The following MAP1B variants were observed in gnomAD, a reference collection of about 807,000 sequenced individuals.
MAP1B encodes microtubule associated protein 1B, also known as microtubule-associated protein 1B.
In MAP1B, 12 loss-of-function variants were observed where a neutral mutation model predicts 176.1. That is an observed-to-expected ratio of 0.07 (90% CI 0.04 to 0.11). The LOEUF (loss-of-function observed/expected upper bound fraction) is 0.11. MAP1B is among the 10% of genes least tolerant of loss of function. The pLI, the probability that MAP1B is intolerant of heterozygous loss-of-function variation, is 1.00. For synonymous variants in MAP1B, 1,044 were observed against 1,135.0 expected, an observed-to-expected ratio of 0.92 and a Z score of 1.61; for missense variants, 2,523 against 2,990.5, an observed-to-expected ratio of 0.84 and a Z score of 3.65.
At chr5:72,133,363 T>C (rs1745771321) in intron 2 of MAP1B, among the ~76,000 whole-genome samples, 2 of 152,242 alleles carry the variant, frequency 1.3e-5, no homozygotes, top group South Asian at 4.1e-4. Context: ...GGAGGCGGGA[T>C]GGAGAGCAGT....
chr5:72,123,057 A>G (rs1024529895), intron 2 of MAP1B, among the ~76,000 whole-genome samples: 1 of 152,184 alleles, frequency 6.6e-6, no homozygotes, highest in East Asian at 1.9e-4. Context: ...CAGTTTGTTC[A>G]GCACCTATGG....
At chr5:72,130,928 G>C (rs1053676440) in intron 2 of MAP1B, among the ~76,000 whole-genome samples, 1 of 152,176 alleles carries the variant, frequency 6.6e-6, no homozygotes, top group Non-Finnish European at 1.5e-5. Context: ...AAGATGTGTG[G>C]TTTTTCCAGA....
At chr5:72,174,620 C>CCA (rs979905535) in intron 2 of MAP1B, among the ~76,000 whole-genome samples, 5 of 152,164 alleles carry the variant, frequency 3.3e-5, no homozygotes, top group Non-Finnish European at 7.4e-5. Flanking sequence ...GGCTGCTGGA[C>CCA]CCCTTACATT....
intron 4 of MAP1B, among the ~76,000 whole-genome samples, chr5:72,192,454 A>C (rs1747044969): frequency 6.6e-6 from 1 of 152,272 alleles, no homozygotes; most frequent in Non-Finnish European, 1.5e-5. Flanking sequence ...GGCCCTTTAC[A>C]TAAAATGTTA....
At chr5:72,116,873 G>A (rs903858708) in intron 2 of MAP1B, among the ~76,000 whole-genome samples, 19 of 152,202 alleles carry the variant, frequency 1.2e-4, no homozygotes, top group African/African-American at 4.1e-4. Context: ...TCCATTAGTC[G>A]TGTATATACA....
At chr5:72,185,463 T>C (rs1238467373) in intron 3 of MAP1B, among the ~76,000 whole-genome samples, 2 of 152,080 alleles carry the variant, frequency 1.3e-5, no homozygotes, top group Non-Finnish European at 2.9e-5. Context: ...GGCATGGTGT[T>C]GCATGCCTGT....
At position 72,200,001 on chromosome 5, in the gene MAP1B, G is replaced by C. The variant is rs778753926; in HGVS notation, c.6646G>C (p.Asp2216His). The C allele has an allele frequency of 3.7e-6, 6 of 1,614,184 alleles. No individual in the cohort carries two copies. The highest frequency in any genetic ancestry group is 3.4e-6 in the Non-Finnish European group (4 of 1,180,044). The change falls in exon 5 of 7, where the codon GAT (aspartate) becomes CAT (histidine). Residue 2216 changes from aspartate to histidine, a missense_variant. Asp to His is a moderately conservative substitution (Grantham distance 81). Around this residue, in one of 4 missense-constraint regions of MAP1B, gnomAD observed 287 missense variants for 401.5 expected, o/e 0.71. Coordinates refer to ENST00000296755, the MANE Select transcript of MAP1B (RefSeq NM_005909.5). ...QDRSPSPRHP[D>H]VSMVDPEALA... ...CCGCAGCCCTTCGCCACGCCACCCT[G>C]ATGTGTCCATGGTGGACCCAGAGGC...
intron 1 of MAP1B, among the ~76,000 whole-genome samples, chr5:72,108,684 C>G (rs977070877): frequency 6.6e-6 from 1 of 151,852 alleles, no homozygotes; most frequent in East Asian, 1.9e-4. Context: ...GCCACACCTG[C>G]CCCCCCACAC....
chr5:72,200,395 A>G (rs375948877), intron 5 of MAP1B, 28 bp downstream of exon 5: 12 of 1,603,120 alleles, frequency 7.5e-6, no homozygotes, highest in East Asian at 2.2e-5. Context: ...GGCATTGGAT[A>G]TATGTCACAA....
At chr5:72,161,728 G>A (rs1016899001) in intron 2 of MAP1B, among the ~76,000 whole-genome samples, 3 of 152,002 alleles carry the variant, frequency 2.0e-5, no homozygotes, top group Admixed American at 6.6e-5. Context: ...AGGCTGAGGC[G>A]GGCAGATCAC....
At chr5:72,176,201 G>A (rs1357824139) in intron 2 of MAP1B, among the ~76,000 whole-genome samples, 10 of 151,868 alleles carry the variant, frequency 6.6e-5, no homozygotes, top group Admixed American at 4.6e-4. Context: ...CCACACACAC[G>A]TGTGTGCACG....
Position 72,197,080 on chromosome 5 carries a change from G to C in MAP1B, c.3725G>C (p.Ser1242Thr), listed in dbSNP as rs370336362. ...KASTTLDIKD[S>T]ISAVSSEKVS... ...AGCACCACTTTGGACATCAAAGATAGCATCTCAGCTGTTTCAAGTGAAAAG... is the reference window on the plus strand; with the variant it reads ...AGCACCACTTTGGACATCAAAGATACCATCTCAGCTGTTTCAAGTGAAAAG... Residue 1242 changes from serine (S) to threonine (T), a missense_variant, in exon 5 of 7, where the codon AGC (serine) becomes ACC (threonine). Coordinates refer to ENST00000296755, the MANE Select transcript of MAP1B (RefSeq NM_005909.5). 6.2e-7 allele frequency: 1 copy of C among 1,614,226 alleles called. No individual in the cohort carries two copies. Among genetic ancestry groups the C allele is most frequent in the Non-Finnish European group, 8.5e-7 (1 of 1,180,040 alleles).
intron 2 of MAP1B, among the ~76,000 whole-genome samples, chr5:72,131,582 T>C (rs1745733622): frequency 6.6e-6 from 1 of 152,242 alleles, no homozygotes; most frequent in African/African-American, 2.4e-5. Flanking sequence ...TGAATATTTA[T>C]TGGCCTCTTA....
At chr5:72,193,251 C>T (rs1421110719) in intron 4 of MAP1B, 4 of 349,078 alleles carry the variant, frequency 1.1e-5, no homozygotes, top group African/African-American at 5.3e-5. Flanking sequence ...AAAAACCCAC[C>T]AAGGTTTTTT....
rs762812492 is a variant in MAP1B, at chr5:72,107,618, G to A, written c.87G>A (p.Ser29=). The change falls in exon 1 of 7, where the codon TCG becomes TCA. Residue 29 remains serine, a synonymous_variant. Coordinates refer to ENST00000296755, the MANE Select transcript of MAP1B (RefSeq NM_005909.5). ...NPAASTSPSL[S]HRFLDSKFYL... is the part of the protein sequence containing the mutation. Reference sequence around the variant, plus strand: ...CGGCGTCCACCTCGCCTAGCCTGTCGCACCGCTTCCTTGACAGCAAGTTCT... The same window carrying A: ...CGGCGTCCACCTCGCCTAGCCTGTCACACCGCTTCCTTGACAGCAAGTTCT... 5 of 1,599,652 alleles carry A rather than the reference G, an allele frequency of 3.1e-6. No individual in the cohort carries two copies. The highest frequency in any genetic ancestry group is 4.2e-6 in the Non-Finnish European group (5 of 1,179,208).
rs373318137 is a variant in MAP1B, at chr5:72,199,980, A to G, written c.6625A>G (p.Ser2209Gly). ...ACCTCCAGCTCCCGTGCAAGACCGC[A>G]GCCCTTCGCCACGCCACCCTGATGT... ...DPPPAPVQDR[S>G]PSPRHPDVSM... The change falls in exon 5 of 7, where the codon AGC (serine) becomes GGC (glycine). Residue 2209 changes from serine to glycine, a missense_variant. Physicochemically the swap from Ser to Gly is moderately conservative, Grantham distance 56. This residue lies in a region of MAP1B where 287 missense variants were observed against 401.5 expected (regional missense o/e 0.71). Transcript: ENST00000296755. The surrounding 1 kb of genome is among the most constrained non-coding windows in gnomAD (Gnocchi z 4.2). 2 of 1,614,230 alleles carry G rather than the reference A, an allele frequency of 1.2e-6. No homozygotes were observed. The highest frequency in any genetic ancestry group is 1.7e-6 in the Non-Finnish European group (2 of 1,180,046).
At chr5:72,193,272 T>C in intron 4 of MAP1B, 1 of 427,242 alleles carries the variant, frequency 2.3e-6, no homozygotes, top group Non-Finnish European at 4.6e-6. Context: ...CTTTTTTACA[T>C]GCCAGATCCT....
rs2227915 is a variant in MAP1B, at chr5:72,193,868, C to T, written c.513C>T (p.Ile171=). 4.7e-3 allele frequency: 7,362 copies of T among 1,577,530 alleles called. 319 individuals carry two copies. In the African/African-American group the frequency reaches 0.088, roughly 19 times the overall value. The change falls in exon 5 of 7, where the codon ATC becomes ATT. Residue 171 remains isoleucine (I), a splice_region_variant and synonymous_variant. Coordinates refer to ENST00000296755, the MANE Select transcript of MAP1B (RefSeq NM_005909.5). ...NFIEIFTDQE[I]GELLSTTHPA... ...TTCTTTCTTTCTTTAAAACCCAGATCGGGGAGTTACTAAGCACCACCCATC... is the reference window on the plus strand; with the variant it reads ...TTCTTTCTTTCTTTAAAACCCAGATTGGGGAGTTACTAAGCACCACCCATC...
chr5:72,195,173 G>C lies in MAP1B; in HGVS notation c.1818G>C (p.Glu606Asp). The C allele has an allele frequency of 6.2e-7, 1 of 1,613,724 alleles. No individual in the cohort carries two copies. Among genetic ancestry groups the C allele is most frequent in the Non-Finnish European group, 8.5e-7 (1 of 1,179,980 alleles). The stretch of plus-strand genomic sequence containing the variant: ...CCAAACCTTCAGTGACTGAAAAGGA[G>C]GTTCCCAGCAAAGAAGAGCCATCTC... ...TETKPSVTEK[E>D]VPSKEEPSPV... The change falls in exon 5 of 7, where the codon GAG (glutamate) becomes GAC (aspartate). Residue 606 changes from glutamate to aspartate, a missense_variant. Physicochemically the swap from Glu to Asp is conservative, Grantham distance 45. Transcript: ENST00000296755.
Sources: gnomAD v4.1 joint callset for allele counts (sites outside exome capture counted in the v4.1 genomes callset) on GRCh38, gnomAD v4.1.1 for gene constraint, gnomAD v4.1.1 regional missense constraint, Gnocchi (gnomAD v3.1) non-coding constraint, MANE v1.5 for transcripts, NCBI Gene and HGNC (gene_info 2026-07-23, HGNC 2026-07-21) for gene names.